The following CIMAP2 variants were observed in gnomAD, a reference collection of about 807,000 sequenced individuals.
CIMAP2 encodes ciliary microtubule associated protein 2, also known as ciliary microtubule-associated protein 2.
the CIMAP2 span, among the ~76,000 whole-genome samples, chr1:54,807,277 C>G: frequency 6.6e-6 from 1 of 151,276 alleles, no homozygotes; most frequent in Non-Finnish European, 1.5e-5. Context: ...AGCTTGTGCA[C>G]TGACTACCTC....
At chr1:54,809,251 A>T in the CIMAP2 span, among the ~76,000 whole-genome samples, 6 of 152,166 alleles carry the variant, frequency 3.9e-5, no homozygotes, top group African/African-American at 1.4e-4. Flanking sequence ...GGATGCAGAC[A>T]TGGGAATGTC....
the CIMAP2 span, among the ~76,000 whole-genome samples, chr1:54,839,574 C>T: frequency 6.6e-6 from 1 of 151,832 alleles, no homozygotes; most frequent in Non-Finnish European, 1.5e-5. Context: ...GACAGGGTTT[C>T]GCCATGTTGG....
chr1:54,807,175 AGGGG>A, the CIMAP2 span: 1 of 1,343,796 alleles, frequency 7.4e-7, no homozygotes, highest in Non-Finnish European at 1.1e-6. Context: ...GAGCTGTAGA[AGGGG>A]CGTACTTTCT....
the CIMAP2 span, chr1:54,815,187 C>A: frequency 8.2e-7 from 1 of 1,218,982 alleles, no homozygotes; most frequent in Non-Finnish European, 1.1e-6. Context: ...GGTCCACTCC[C>A]ACTGTCTTAT....
the CIMAP2 span, chr1:54,842,249 G>C: frequency 2.5e-5 from 7 of 284,484 alleles, no homozygotes; most frequent in South Asian, 5.5e-5. Flanking sequence ...AGTTCAGAAA[G>C]TGGTGGGAGA....
At chr1:54,830,106 G>C in the CIMAP2 span, among the ~76,000 whole-genome samples, 1 of 152,268 alleles carries the variant, frequency 6.6e-6, no homozygotes, top group African/African-American at 2.4e-5. The surrounding 1 kb of genome is among the most constrained non-coding windows in gnomAD (Gnocchi z 4.1). Context: ...CCTCTCTGGG[G>C]GTTGTAAGCT....
At chr1:54,830,283 C>T in the CIMAP2 span, among the ~76,000 whole-genome samples, 5 of 152,074 alleles carry the variant, frequency 3.3e-5, no homozygotes, top group East Asian at 7.7e-4. This position sits in a 1 kb window ranked among gnomAD's most constrained non-coding sequence, Gnocchi z 4.1. Context: ...AGTGCAATGG[C>T]GCGATCTCAG....
chr1:54,812,211 G>A, the CIMAP2 span: 2 of 1,613,942 alleles, frequency 1.2e-6, no homozygotes, highest in Non-Finnish European at 1.7e-6. Context: ...GGGGTTGAAG[G>A]GTGTTAGTCC....
chr1:54,807,913 T>A, the CIMAP2 span: 1 of 1,604,626 alleles, frequency 6.2e-7, no homozygotes. Flanking sequence ...CCCCGGCTCC[T>A]ACAACCTCAA....
the CIMAP2 span, among the ~76,000 whole-genome samples, chr1:54,828,576 C>T: frequency 2.6e-5 from 4 of 152,194 alleles, no homozygotes; most frequent in Non-Finnish European, 2.9e-5. Flanking sequence ...AAGTGATCCT[C>T]CTGCCTTGGC....
At chr1:54,819,996 T>C in the CIMAP2 span, among the ~76,000 whole-genome samples, 1 of 140,724 alleles carries the variant, frequency 7.1e-6, no homozygotes, top group Non-Finnish European at 1.5e-5. Flanking sequence ...TTCTTCTTTC[T>C]TTCTCCCTCT....
chr1:54,842,135 A>G, the CIMAP2 span: 1 of 552,784 alleles, frequency 1.8e-6, no homozygotes, highest in Non-Finnish European at 3.2e-6. Context: ...AGTGACATGA[A>G]CATGGGGGCC....
chr1:54,819,657 C>T, the CIMAP2 span, among the ~76,000 whole-genome samples: 2 of 152,162 alleles, frequency 1.3e-5, no homozygotes, highest in African/African-American at 4.8e-5. Context: ...AGACATGAGC[C>T]ACTGTGCCCG....
chr1:54,818,479 A>C, the CIMAP2 span, among the ~76,000 whole-genome samples: 35 of 151,270 alleles, frequency 2.3e-4, 1 homozygote. Flanking sequence ...ATTATTTTAA[A>C]AATTTTGGCT....
the CIMAP2 span, among the ~76,000 whole-genome samples, chr1:54,825,675 C>A: frequency 6.6e-6 from 1 of 152,024 alleles, no homozygotes; most frequent in African/African-American, 2.4e-5. Context: ...GGTCCTCAGG[C>A]CTCCAGGTGA....
the CIMAP2 span, among the ~76,000 whole-genome samples, chr1:54,815,968 T>G: frequency 6.6e-6 from 1 of 152,106 alleles, no homozygotes; most frequent in East Asian, 1.9e-4. Context: ...AGTGACTGAT[T>G]CTTGTGAGGA....
chr1:54,816,882 A>G, the CIMAP2 span: 2 of 1,400,968 alleles, frequency 1.4e-6, no homozygotes, highest in Admixed American at 4.4e-5. Flanking sequence ...GACACAATTC[A>G]ACTCATAACA....
the CIMAP2 span, among the ~76,000 whole-genome samples, chr1:54,822,071 T>G: frequency 1.3e-4 from 18 of 138,006 alleles, 1 homozygote; most frequent in South Asian, 4.0e-3. Flanking sequence ...GCTAATTTTT[T>G]GTATTTTTAG....
At chr1:54,814,862 G>A in the CIMAP2 span, 1 of 1,611,068 alleles carries the variant, frequency 6.2e-7, no homozygotes, top group Non-Finnish European at 8.5e-7. Flanking sequence ...CTGGGCCCAG[G>A]CTGACACTGC....
Sources: allele counts gnomAD v4.1 joint callset (sites outside exome capture counted in the v4.1 genomes callset), GRCh38; gene constraint gnomAD v4.1.1; non-coding constraint Gnocchi (gnomAD v3.1); transcripts MANE v1.5; gene names NCBI Gene and HGNC (gene_info 2026-07-23, HGNC 2026-07-21).